CTNND2: variants seen among roughly 807,000 people sequenced by gnomAD.
The protein encoded by CTNND2 is catenin delta 2.
Under a neutral mutation model 144.4 loss-of-function variants are expected in CTNND2, and 22 were observed. That is an observed-to-expected ratio of 0.15 (90% CI 0.11 to 0.22). The LOEUF is 0.22. Among genes scored for constraint, CTNND2 ranks in the 10% least tolerant of loss-of-function variants. The pLI, the probability that CTNND2 is intolerant of heterozygous loss-of-function variation, is 1.00. For missense variants in CTNND2, 1,353 were observed against 1,618.8 expected, an observed-to-expected ratio of 0.84 and a Z score of 2.82; for synonymous variants, 751 against 695.6, an observed-to-expected ratio of 1.08 and a Z score of -1.25.
At chr5:11,240,785 A>AC (rs566074709) in intron 9 of CTNND2, among the ~76,000 whole-genome samples, 1 of 126,642 alleles carries the variant, frequency 7.9e-6, no homozygotes, top group Non-Finnish European at 1.6e-5. Context: ...CAGCACACAC[A>AC]CCCCCAACCC....
rs1457738114 is a variant in CTNND2 at position 11,166,248 on chromosome 5, T to TC, written c.1976-6490dup. The stretch of plus-strand genomic sequence containing the variant: ...AGGAGAAGAATGGGGACAAAAAAGT[T>TC]CTTTTTTTTTTTTTTTTTGAGATGG... On this transcript the variant is annotated intron_variant, in intron 11 of 21. Coordinates refer to ENST00000304623, the MANE Select transcript of CTNND2 (RefSeq NM_001332.4). Among the ~76,000 whole-genome samples the TC allele has an allele frequency of 2.2e-3, 303 of 135,588 alleles. 2 individuals are homozygous for TC. The highest frequency in any genetic ancestry group is 8.8e-3 in the African/African-American group (285 of 32,434). The allele number at this position is 135,588 out of a possible 152,430, so 89.0% of individuals were successfully genotyped here.
At chr5:11,067,676 T>C (rs1296658813) in intron 16 of CTNND2, among the ~76,000 whole-genome samples, 1 of 152,218 alleles carries the variant, frequency 6.6e-6, no homozygotes, top group African/African-American at 2.4e-5. Context: ...CATTGAAGAA[T>C]TGAGAGACTC....
At chr5:11,778,317 G>A (rs998337804) in intron 1 of CTNND2, among the ~76,000 whole-genome samples, 1 of 152,016 alleles carries the variant, frequency 6.6e-6, no homozygotes, top group Non-Finnish European at 1.5e-5. Flanking sequence ...GGCGGGGCAG[G>A]GGGGCAGTGG....
At chr5:11,397,757 T>A (rs1240184733) in intron 5 of CTNND2, among the ~76,000 whole-genome samples, 1 of 152,152 alleles carries the variant, frequency 6.6e-6, no homozygotes, top group Non-Finnish European at 1.5e-5. Flanking sequence ...CCTCACATAA[T>A]CCCTGATGAC....
intron 9 of CTNND2, among the ~76,000 whole-genome samples, chr5:11,271,000 A>G (rs1318717365): frequency 1.3e-5 from 2 of 152,240 alleles, no homozygotes; most frequent in African/African-American, 2.4e-5. Context: ...TAATGTCACT[A>G]TGACTTTAGT....
chr5:11,493,769 T>C (rs1769674923), intron 3 of CTNND2, among the ~76,000 whole-genome samples: 1 of 152,104 alleles, frequency 6.6e-6, no homozygotes, highest in Admixed American at 6.5e-5. Flanking sequence ...TCAGAATCAA[T>C]GAGGTTTTAC....
intron 1 of CTNND2, among the ~76,000 whole-genome samples, chr5:11,806,910 C>T (rs1257385384): frequency 3.9e-5 from 6 of 152,054 alleles, no homozygotes; most frequent in Non-Finnish European, 8.8e-5. Flanking sequence ...AGACAGTGCA[C>T]TGCTAGTAGT....
chr5:11,643,289 G>C (rs1365762348), intron 2 of CTNND2, among the ~76,000 whole-genome samples: 1 of 150,832 alleles, frequency 6.6e-6, no homozygotes, highest in African/African-American at 2.4e-5. Context: ...TAATGTGCAG[G>C]TTTGTTACAT....
At chr5:10,995,681 TGA>T (rs775075987) in intron 18 of CTNND2, among the ~76,000 whole-genome samples, 1 of 152,008 alleles carries the variant, frequency 6.6e-6, no homozygotes, top group Non-Finnish European at 1.5e-5. Flanking sequence ...TGGGAATGAC[TGA>T]ATGCAGAGAA....
At chr5:11,613,040 G>C (rs1291931390) in intron 2 of CTNND2, among the ~76,000 whole-genome samples, 2 of 152,268 alleles carry the variant, frequency 1.3e-5, no homozygotes, top group South Asian at 4.1e-4. Context: ...TTTATTTCTT[G>C]AGTGCATACT....
At chr5:11,295,289 C>T (rs1472267918) in intron 9 of CTNND2, among the ~76,000 whole-genome samples, 1 of 152,094 alleles carries the variant, frequency 6.6e-6, no homozygotes, top group Non-Finnish European at 1.5e-5. Flanking sequence ...CGTGAAGGAC[C>T]TCTTCAAGGA....
intron 9 of CTNND2, among the ~76,000 whole-genome samples, chr5:11,303,413 C>G (rs1257365820): frequency 6.6e-6 from 1 of 152,194 alleles, no homozygotes; most frequent in Non-Finnish European, 1.5e-5. Context: ...TTCTCTATGG[C>G]CCTGGGTAAG....
chr5:11,491,445 A>G (rs1033758826), intron 3 of CTNND2, among the ~76,000 whole-genome samples: 1 of 152,152 alleles, frequency 6.6e-6, no homozygotes, highest in Non-Finnish European at 1.5e-5. Context: ...TAACATCCCC[A>G]TTTTATGGAA....
rs544014303 is a variant in CTNND2 at position 11,903,319 on chromosome 5, C to G, written c.37+498G>C. ...CTCAGGGTCTGGCAAGCCGCGGGAG[C>G]CTGAAGACACGGCCATGGACGCATA... On this transcript the variant is annotated intron_variant, in intron 1 of 21. Transcript: ENST00000304623. This position sits in a 1 kb window ranked among gnomAD's most constrained non-coding sequence, Gnocchi z 5.4. The G allele has an allele frequency of 1.5e-5, 15 of 985,844 alleles. No individual in the cohort carries two copies. The East Asian group carries it at 1.6e-3, about 104-fold the overall frequency. The allele number at this position is 985,844 out of a possible 1,614,324, so 61.1% of individuals were successfully genotyped here.
chr5:11,301,549 CTTG>C (rs1274032921), intron 9 of CTNND2, among the ~76,000 whole-genome samples: 5 of 152,154 alleles, frequency 3.3e-5, no homozygotes, highest in Non-Finnish European at 7.3e-5. Context: ...TACAATCTTT[CTTG>C]TTGTTTCTCT....
intron 20 of CTNND2, among the ~76,000 whole-genome samples, chr5:10,987,337 C>T (rs1055996121): frequency 6.6e-6 from 1 of 152,126 alleles, no homozygotes; most frequent in African/African-American, 2.4e-5. Context: ...AGGGTAAGCC[C>T]TGTTATCAGA....
chr5:11,231,273 T>C (rs1740981470), intron 10 of CTNND2, among the ~76,000 whole-genome samples: 1 of 152,192 alleles, frequency 6.6e-6, no homozygotes, highest in Non-Finnish European at 1.5e-5. Context: ...GAGTGGGCTG[T>C]TGTTGTAAAC....
Position 11,199,869 on chromosome 5 carries a change from T to C in CTNND2, c.1762-208A>G, listed in dbSNP as rs1580566365. 2.6e-5 allele frequency among the ~76,000 whole-genome samples: 4 copies of C among 152,362 alleles called. 1 individual carries two copies. Among genetic ancestry groups the C allele is most frequent in the Admixed American group, 2.6e-4 (4 of 15,304 alleles). Reference sequence around the variant, plus strand: ...AATATCCTACCAATAAAAATCCAAATGTATTTCTTTCGAACTATAGAATTT... The same window carrying C: ...AATATCCTACCAATAAAAATCCAAACGTATTTCTTTCGAACTATAGAATTT... On this transcript the variant is annotated intron_variant, in intron 10 of 21. Coordinates refer to ENST00000304623, the MANE Select transcript of CTNND2 (RefSeq NM_001332.4).
chr5:11,239,804 A>G (rs1217142542), intron 9 of CTNND2, among the ~76,000 whole-genome samples: 1 of 152,124 alleles, frequency 6.6e-6, no homozygotes, highest in African/African-American at 2.4e-5. Context: ...TCCTCGGGGA[A>G]TCCCGTCCCA....
Sources: gnomAD v4.1 joint callset for allele counts (sites outside exome capture counted in the v4.1 genomes callset) on GRCh38, gnomAD v4.1.1 for gene constraint, Gnocchi (gnomAD v3.1) non-coding constraint, MANE v1.5 for transcripts, NCBI Gene and HGNC (gene_info 2026-07-23, HGNC 2026-07-21) for gene names.